VPS13C: variants seen among roughly 807,000 people sequenced by gnomAD.
VPS13C encodes the protein vacuolar protein sorting 13 homolog C.
VPS13C carries 358 observed loss-of-function variants against 456.8 expected under a neutral mutation model. That is an observed-to-expected ratio of 0.78 (90% CI 0.72 to 0.86). The LOEUF is 0.86. VPS13C is among the 40% of genes least tolerant of loss of function. The pLI is 0.00. For synonymous variants in VPS13C, 1,578 were observed against 1,486.7 expected, an observed-to-expected ratio of 1.06 and a Z score of -1.41; for missense variants, 4,818 against 4,385.4, an observed-to-expected ratio of 1.10 and a Z score of -2.79.
chr15:61,959,569 T>A lies in VPS13C; in HGVS notation c.3935A>T (p.His1312Leu), dbSNP rs771009086. Reference protein sequence around the residue: ...YRTVIQPGIYHPDIQLLHPIN... With the variant: ...YRTVIQPGIYLPDIQLLHPIN... Reference sequence around the variant, plus strand: ...TGGGTGCAACAGCTGAATATCAGGATGGTAGATGCCTGGCTGGATCACTGT... The same window carrying A: ...TGGGTGCAACAGCTGAATATCAGGAAGGTAGATGCCTGGCTGGATCACTGT... The change falls in exon 36 of 85, where the codon CAT becomes CTT. Residue 1312 changes from histidine (H) to leucine (L), a missense_variant. By Grantham distance (99) the His-to-Leu change is moderately conservative (BLOSUM62 -3). Around this residue, in one of 3 missense-constraint regions of VPS13C, gnomAD observed 4,552 missense variants for 4,130.6 expected, o/e 1.10. Coordinates refer to ENST00000644861, the MANE Select transcript of VPS13C (RefSeq NM_020821.3). The A allele has an allele frequency of 1.9e-6, 3 of 1,613,138 alleles. No homozygotes were observed. The Admixed American group carries it at 5.0e-5, about 27-fold the overall frequency.
At chr15:62,006,654 G>T (rs2046859635) in intron 15 of VPS13C, among the ~76,000 whole-genome samples, 1 of 152,170 alleles carries the variant, frequency 6.6e-6, no homozygotes, top group East Asian at 1.9e-4. Context: ...GGTATTTCTA[G>T]TTCTGGATCC....
At chr15:62,033,328 TTA>T in intron 5 of VPS13C, 111 bp downstream of exon 5, 1 of 576,580 alleles carries the variant, frequency 1.7e-6, no homozygotes, top group East Asian at 3.5e-5. Flanking sequence ...TAAAAAAAAA[TTA>T]TGTCTTTAGA....
At position 61,954,473 on chromosome 15, in the gene VPS13C, T is replaced by C. The variant is rs749411428; in HGVS notation, c.4247A>G (p.Glu1416Gly). Residue 1416 changes from glutamate to glycine, a missense_variant, in exon 38 of 85, where the codon GAA (glutamate) becomes GGA (glycine). Transcript: ENST00000644861. ...SKNTLTTGVE[E>G]IRSVDIINML... ...ATTAATGATGTCTACAGACCTAATT[T>C]CTTCCACTCCAGTTGTTAAAGTATT... The C allele has an allele frequency of 6.2e-7, 1 of 1,609,892 alleles. No homozygotes were observed. The highest frequency in any genetic ancestry group is 8.5e-7 in the Non-Finnish European group (1 of 1,178,310).
At chr15:62,059,468 C>T (rs2048915473) in intron 1 of VPS13C, among the ~76,000 whole-genome samples, 1 of 152,150 alleles carries the variant, frequency 6.6e-6, no homozygotes, top group Non-Finnish European at 1.5e-5. Context: ...CGATTAAGCT[C>T]GTTGAAGAGT....
chr15:61,955,470 C>A lies in VPS13C; in HGVS notation c.4166-916G>T, dbSNP rs1443072962. 2.0e-5 allele frequency among the ~76,000 whole-genome samples: 3 copies of A among 152,150 alleles called. No individual in the cohort carries two copies. The East Asian group carries it at 5.8e-4, about 29-fold the overall frequency. On this transcript the variant is annotated intron_variant, in intron 37 of 84. Transcript: ENST00000644861. ...TTATCTTGACCACTAATACAACACA[C>A]AGGAACCATGTAGTGTAAGCTACAC...
intron 5 of VPS13C, among the ~76,000 whole-genome samples, chr15:62,031,965 A>G (rs2047834719): frequency 6.6e-6 from 1 of 151,908 alleles, no homozygotes; most frequent in Non-Finnish European, 1.5e-5. Context: ...AAACACTAAC[A>G]TATTTTTAGG....
At chr15:61,893,247 A>G (rs1050742887) in intron 66 of VPS13C, among the ~76,000 whole-genome samples, 28 of 152,190 alleles carry the variant, frequency 1.8e-4, no homozygotes, top group African/African-American at 5.6e-4. Context: ...AAAGAAGCAG[A>G]TAACATATAA....
chr15:61,880,344 G>A (rs996822639), intron 73 of VPS13C, among the ~76,000 whole-genome samples: 6 of 152,010 alleles, frequency 3.9e-5, no homozygotes, highest in African/African-American at 1.2e-4. Flanking sequence ...GCACTTCTAC[G>A]CTTAATTAAG....
rs1178641331 is a variant in VPS13C, at chr15:61,978,732, T to C, written c.2184A>G (p.Gln728=). 13 of 1,604,128 alleles carry C rather than the reference T, an allele frequency of 8.1e-6. No homozygotes were observed. The highest frequency in any genetic ancestry group is 1.1e-5 in the Non-Finnish European group (13 of 1,176,712). ...ATGAATTAGTAGTCTTCTGTAAACC[T>C]TGATCTTTACTGTTGAGCTAAAATG... is the stretch of plus-strand genomic sequence containing the variant. ...FGTFQLNSKD[Q]GLQKTTNSSL... Residue 728 remains glutamine, a synonymous_variant, in exon 23 of 85, where the codon CAA becomes CAG. Transcript: ENST00000644861.
chr15:61,929,836 T>C, intron 50 of VPS13C, 88 bp from the exon 51 acceptor site: 1 of 1,274,826 alleles, frequency 7.8e-7, no homozygotes. Context: ...ATAATCTTTA[T>C]TTCACCTTTC....
chr15:61,875,847 T>A lies in VPS13C; in HGVS notation c.10225-2A>T, dbSNP rs780867411. ...AAGGACATACATCTGTTTCAAGAAC[T>A]AAAAAAGAAAAAAAATTAAATTAAG... On this transcript the variant is annotated splice_acceptor_variant, in intron 75 of 84. Coordinates refer to ENST00000644861, the MANE Select transcript of VPS13C (RefSeq NM_020821.3). LOFTEE classifies it high-confidence loss of function. 1.9e-6 allele frequency: 3 copies of A among 1,553,086 alleles called. No homozygotes were observed. The highest frequency in any genetic ancestry group is 1.4e-5 in the African/African-American group (1 of 71,112).
chr15:61,991,099 G>GA lies in VPS13C; in HGVS notation c.1484-6dup, dbSNP rs775436905. The stretch of plus-strand genomic sequence containing the variant: ...GAGTCATAAGGTCATCAATAGCTAT[G>GA]AAAAAACAACATTTTAAGAAATTAA... On this transcript the variant is annotated splice_polypyrimidine_tract_variant and splice_region_variant and intron_variant, in intron 17 of 84. Coordinates refer to ENST00000644861, the MANE Select transcript of VPS13C (RefSeq NM_020821.3). 8 of 1,578,984 alleles carry GA rather than the reference G, an allele frequency of 5.1e-6. No individual in the cohort carries two copies. The highest frequency in any genetic ancestry group is 6.9e-6 in the Non-Finnish European group (8 of 1,164,970).
chr15:62,043,874 T>C (rs931862968), intron 2 of VPS13C, among the ~76,000 whole-genome samples: 1 of 152,184 alleles, frequency 6.6e-6, no homozygotes, highest in African/African-American at 2.4e-5. Context: ...CAAAATTAGA[T>C]ATGTTATTTA....
chr15:62,008,806 A>T (rs760195662), intron 13 of VPS13C, 45 bp from the exon 14 acceptor site: 18 of 1,123,312 alleles, frequency 1.6e-5, no homozygotes, highest in East Asian at 1.4e-4. Context: ...CTGTATATAT[A>T]AAAAAAAGAC....
Position 61,962,547 on chromosome 15 carries a change from C to T in VPS13C, c.3436-9G>A, listed in dbSNP as rs761480230. ...CCCATTATTGACACAGCCTGAAAAA[C>T]AGAGACTTGAATGTACTCTATCCGG... On this transcript the variant is annotated splice_polypyrimidine_tract_variant and intron_variant, in intron 33 of 84. Transcript: ENST00000644861. 1.1e-5 allele frequency: 18 copies of T among 1,605,220 alleles called. No individual in the cohort carries two copies. The East Asian group carries it at 2.9e-4, about 26-fold the overall frequency.
chr15:61,885,225 G>A (rs1397749095), intron 67 of VPS13C, among the ~76,000 whole-genome samples: 1 of 152,016 alleles, frequency 6.6e-6, no homozygotes, highest in East Asian at 1.9e-4. Flanking sequence ...CTATACTGTA[G>A]TATAAATTTT....
chr15:61,926,488 A>G (rs935049668), intron 52 of VPS13C, among the ~76,000 whole-genome samples: 2 of 152,236 alleles, frequency 1.3e-5, no homozygotes, highest in African/African-American at 2.4e-5. Flanking sequence ...ATTTCATGAT[A>G]AAGTATAGAC....
chr15:61,893,608 G>A (rs1014476714), intron 66 of VPS13C, among the ~76,000 whole-genome samples: 3 of 149,802 alleles, frequency 2.0e-5, no homozygotes, highest in African/African-American at 7.4e-5. Context: ...TAATTGTGGT[G>A]TATAATCCAC....
chr15:62,033,914 T>C (rs1318286150), intron 4 of VPS13C, among the ~76,000 whole-genome samples: 1 of 151,548 alleles, frequency 6.6e-6, no homozygotes. Context: ...CTGGGATCAA[T>C]ATACACTGAT....
Sources: gnomAD v4.1 joint callset for allele counts (sites outside exome capture counted in the v4.1 genomes callset) on GRCh38, gnomAD v4.1.1 for gene constraint, gnomAD v4.1.1 regional missense constraint, MANE v1.5 for transcripts, NCBI Gene and HGNC (gene_info 2026-07-23, HGNC 2026-07-21) for gene names.